The following QSOX2 variants were observed in gnomAD, a reference collection of about 807,000 sequenced individuals.
The protein encoded by QSOX2 is quiescin sulfhydryl oxidase 2, also known as sulfhydryl oxidase 2.
QSOX2 carries 46 observed loss-of-function variants against 61.7 expected under a neutral mutation model. The ratio of observed to expected loss-of-function variants is 0.75; its 90% confidence interval spans 0.59 to 0.95. The LOEUF (loss-of-function observed/expected upper bound fraction) is 0.95, where lower values mean the gene tolerates loss of function less well. Among genes scored for constraint, QSOX2 ranks in the 40% least tolerant of loss-of-function variants. The pLI, the probability that QSOX2 is intolerant of heterozygous loss-of-function variation, is 0.00. For synonymous variants in QSOX2, 383 were observed against 388.4 expected (o/e 0.99, Z 0.16); for missense variants, 879 against 918.9 (o/e 0.96, Z 0.56).
rs1308334656 is a variant in QSOX2 at position 136,218,750 on chromosome 9, G to C, written c.1015C>G (p.Leu339Val). The change falls in exon 8 of 12, where the codon CTG (leucine) becomes GTG (valine). Residue 339 changes from leucine to valine, a missense_variant. Leu to Val is a conservative substitution (Grantham distance 32). Transcript: ENST00000358701. The part of the protein sequence containing the change: ...SGLHYLLRVE[L>V]AAHKSLAGAE... ...CCGGCCAGGGACTTGTGGGCTGCCAGCTCCACCCGCAGGAGGTAGTGTAGC... is the reference window on the plus strand; with the variant it reads ...CCGGCCAGGGACTTGTGGGCTGCCACCTCCACCCGCAGGAGGTAGTGTAGC... 6.2e-7 allele frequency: 1 copy of C among 1,613,694 alleles called. No individual in the cohort carries two copies. The highest frequency in any genetic ancestry group is 2.2e-5 in the East Asian group (1 of 44,880).
At position 136,208,942 on chromosome 9, in the gene QSOX2, C is replaced by T. The variant is rs1554755718; in HGVS notation, c.1883G>A (p.Ser628Asn). ...CAGACTCTGGAGTTTCCCGTCCAAG[C>T]TGTGATGCAAGCTCTCTGGAAGGGC... ...RPALPESLHH[S>N]LDGKLQSLDG... Residue 628 changes from serine to asparagine, a missense_variant, in exon 12 of 12, where the codon AGC (serine) becomes AAC (asparagine). By Grantham distance (46) the Ser-to-Asn change is conservative. Coordinates refer to ENST00000358701, the MANE Select transcript of QSOX2 (RefSeq NM_181701.4). The T allele has an allele frequency of 3.1e-6, 5 of 1,613,700 alleles. No individual in the cohort carries two copies. The highest frequency in any genetic ancestry group is 3.3e-5 in the Admixed American group (2 of 60,004).
chr9:136,239,734 C>T (rs962540751), intron 1 of QSOX2, among the ~76,000 whole-genome samples: 7 of 152,214 alleles, frequency 4.6e-5, no homozygotes, highest in Admixed American at 4.6e-4. Flanking sequence ...CATGCGGGCA[C>T]CCCACGTCGC....
Position 136,209,331 on chromosome 9 carries a change from TGCA to T in QSOX2, c.1550-59_1550-57del. ...GGGAAGGAGGCTTTGTGCAGCCACG[TGCA>T]GCGTGCGGCAACCGGACTCCCACTC... On this transcript the variant is annotated intron_variant, in intron 11 of 11. Coordinates refer to ENST00000358701, the MANE Select transcript of QSOX2 (RefSeq NM_181701.4). The surrounding 1 kb of genome is among the most constrained non-coding windows in gnomAD (Gnocchi z 5.6). 1 of 1,569,580 alleles carries T rather than the reference TGCA, an allele frequency of 6.4e-7. No homozygotes were observed. The highest frequency in any genetic ancestry group is 8.7e-7 in the Non-Finnish European group (1 of 1,155,598).
intron 1 of QSOX2, among the ~76,000 whole-genome samples, chr9:136,240,210 AC>A (rs1292287062): frequency 6.6e-6 from 1 of 152,124 alleles, no homozygotes; most frequent in African/African-American, 2.4e-5. Flanking sequence ...CTATTTTAGG[AC>A]TCCAGTCTTA....
chr9:136,240,733 C>T (rs998319496), intron 1 of QSOX2, among the ~76,000 whole-genome samples: 9 of 152,238 alleles, frequency 5.9e-5, no homozygotes, highest in South Asian at 2.1e-4. Flanking sequence ...GCACACGCTA[C>T]GGTCGCCTCA....
chr9:136,208,645 A>T lies in QSOX2; in HGVS notation c.*83T>A. On this transcript the variant is annotated 3_prime_UTR_variant, in exon 12 of 12. Transcript: ENST00000358701. Reference sequence around the variant, plus strand: ...GGCCCGCATGTTTATAAAATCCCTGATCATAAATATTAAAGCTGCAGGTGG... The same window carrying T: ...GGCCCGCATGTTTATAAAATCCCTGTTCATAAATATTAAAGCTGCAGGTGG... 2 of 1,460,888 alleles carry T rather than the reference A, an allele frequency of 1.4e-6. No individual in the cohort carries two copies. The highest frequency in any genetic ancestry group is 1.8e-6 in the Non-Finnish European group (2 of 1,096,650). The allele number at this position is 1,460,888 out of a possible 1,614,324, so 90.5% of individuals were successfully genotyped here. A position where few individuals can be genotyped will look rare whatever the true frequency, so the allele number is the denominator to read the frequency against.
In QSOX2 at chr9:136,209,850, T is replaced by C; in HGVS notation, c.1550-575A>G. On this transcript the variant is annotated intron_variant, in intron 11 of 11. Transcript: ENST00000358701. This position sits in a 1 kb window ranked among gnomAD's most constrained non-coding sequence, Gnocchi z 5.6. Reference sequence around the variant, plus strand: ...TTCCGGACTACAAATCCCTTCAAGATCTCCAAAACTCGTTTCTGAAGTGAC... The same window carrying C: ...TTCCGGACTACAAATCCCTTCAAGACCTCCAAAACTCGTTTCTGAAGTGAC... 2.0e-6 allele frequency: 2 copies of C among 985,252 alleles called. No individual in the cohort carries two copies. Among genetic ancestry groups the C allele is most frequent in the Non-Finnish European group, 2.4e-6 (2 of 829,894 alleles). 61.0% of individuals were successfully genotyped at this position (985,252 alleles called of 1,614,324 possible).
At chr9:136,244,730 G>A (rs566011745) in intron 1 of QSOX2, among the ~76,000 whole-genome samples, 1 of 152,350 alleles carries the variant, frequency 6.6e-6, no homozygotes, top group South Asian at 2.1e-4. Flanking sequence ...CGTGCGACCA[G>A]ATGAAAGCAC....
rs968184309 is a variant in QSOX2 at position 136,222,681 on chromosome 9, G to A, written c.676-740C>T. On this transcript the variant is annotated intron_variant, in intron 5 of 11. Transcript: ENST00000358701. The surrounding 1 kb of genome is among the most constrained non-coding windows in gnomAD (Gnocchi z 6.9). ...CCATGCCGTGACTCTGTGCTGAAGA[G>A]CACTCCTCCTGCACGAGTGGAGCCT... 6.6e-6 allele frequency among the ~76,000 whole-genome samples: 1 copy of A among 152,182 alleles called. No individual in the cohort carries two copies. Among genetic ancestry groups the A allele is most frequent in the Non-Finnish European group, 1.5e-5 (1 of 68,042 alleles).
chr9:136,235,582 A>C (rs1393856977), intron 1 of QSOX2, among the ~76,000 whole-genome samples: 2 of 152,230 alleles, frequency 1.3e-5, no homozygotes, highest in African/African-American at 4.8e-5. Flanking sequence ...ACGGGCAGCC[A>C]CTGATGTGCG....
intron 10 of QSOX2, 129 bp from the exon 11 acceptor site, chr9:136,211,581 C>A: frequency 1.2e-6 from 1 of 866,858 alleles, no homozygotes; most frequent in Non-Finnish European, 1.8e-6. Context: ...TCCCCAGGGG[C>A]CTCAGGCTGT....
chr9:136,210,494 T>C (rs1403816074), intron 11 of QSOX2: 3 of 985,232 alleles, frequency 3.0e-6, no homozygotes, highest in Middle Eastern at 5.2e-4. Context: ...GGGAGCTCTG[T>C]GGGCGGCGGC....
intron 1 of QSOX2, among the ~76,000 whole-genome samples, chr9:136,229,793 A>G (rs1225848752): frequency 6.6e-6 from 1 of 152,202 alleles, no homozygotes; most frequent in African/African-American, 2.4e-5. Flanking sequence ...TGCCCCAGGC[A>G]CTTGCTGGCC....
intron 1 of QSOX2, among the ~76,000 whole-genome samples, chr9:136,245,000 C>T (rs909926900): frequency 6.6e-6 from 1 of 152,002 alleles, no homozygotes; most frequent in African/African-American, 2.4e-5. Context: ...GGGGTGGCTA[C>T]GAGTGTGGAA....
chr9:136,218,610 C>T (rs1831941946), intron 8 of QSOX2, 69 bp downstream of exon 8: 15 of 1,539,388 alleles, frequency 9.7e-6, no homozygotes, highest in East Asian at 2.3e-5. Context: ...CAGTGTCCGA[C>T]GCCCCCCAGG....
At chr9:136,211,238 G>C in intron 11 of QSOX2, 26 bp downstream of exon 11, 1 of 1,610,132 alleles carries the variant, frequency 6.2e-7, no homozygotes, top group Non-Finnish European at 8.5e-7. Context: ...CCCGTGCTGA[G>C]CCCCCCATGC....
Position 136,209,376 on chromosome 9 carries a change from T to C in QSOX2, c.1550-101A>G. 2 of 1,533,384 alleles carry C rather than the reference T, an allele frequency of 1.3e-6. No individual in the cohort carries two copies. Among genetic ancestry groups the C allele is most frequent in the Non-Finnish European group, 1.8e-6 (2 of 1,141,192 alleles). The allele number at this position is 1,533,384 out of a possible 1,614,324, so 95.0% of individuals were successfully genotyped here. The stretch of plus-strand genomic sequence containing the variant: ...CTCCCACTCCCACCCACCACGGGCC[T>C]CCACTGCCCTGGCCCAGGGTCCTGC... On this transcript the variant is annotated intron_variant, in intron 11 of 11. Coordinates refer to ENST00000358701, the MANE Select transcript of QSOX2 (RefSeq NM_181701.4). The surrounding 1 kb of genome is among the most constrained non-coding windows in gnomAD (Gnocchi z 5.6).
intron 6 of QSOX2, among the ~76,000 whole-genome samples, chr9:136,220,319 C>T (rs1384799769): frequency 1.3e-5 from 2 of 152,218 alleles, no homozygotes; most frequent in Admixed American, 1.3e-4. Flanking sequence ...GTGAGCCTGG[C>T]CTCTTTTTCA....
intron 10 of QSOX2, 152 bp downstream of exon 10, chr9:136,215,002 C>T (rs951647613): frequency 2.3e-6 from 2 of 883,650 alleles, no homozygotes; most frequent in Non-Finnish European, 3.2e-6. Context: ...GTGAGCTGAC[C>T]GTGTGAGAGG....
Sources: allele counts gnomAD v4.1 joint callset (sites outside exome capture counted in the v4.1 genomes callset), GRCh38; gene constraint gnomAD v4.1.1; non-coding constraint Gnocchi (gnomAD v3.1); transcripts MANE v1.5; gene names NCBI Gene and HGNC (gene_info 2026-07-23, HGNC 2026-07-21).